The following NEB variants were observed in gnomAD, a reference collection of about 807,000 sequenced individuals.
NEB encodes nemaline myopathy type 2.
In NEB, 512 loss-of-function variants were observed where a neutral mutation model predicts 952.2. The observed-to-expected ratio is 0.54, with a 90% CI of 0.50 to 0.58. The LOEUF (loss-of-function observed/expected upper bound fraction) is 0.58, where lower values mean the gene tolerates loss of function less well. Among genes scored for constraint, NEB ranks in the 20% least tolerant of loss-of-function variants. The pLI is 0.00. For missense variants in NEB, 8,428 were observed against 9,231.1 expected (o/e 0.91, Z 3.56); for synonymous variants, 2,900 against 3,149.8 (o/e 0.92, Z 2.66).
chr2:151,689,130 T>G (rs1434751395), intron 24 of NEB: 1 of 151,324 alleles, frequency 6.6e-6, no homozygotes, highest in East Asian at 1.9e-4. Flanking sequence ...ACTTCTGTAA[T>G]TAAAGCACTA....
chr2:151,701,813 C>T (rs1052341613), intron 13 of NEB, among the ~76,000 whole-genome samples: 169 of 149,770 alleles, frequency 1.1e-3, no homozygotes, highest in South Asian at 2.2e-3. Flanking sequence ...TTTCAAAAAA[C>T]CAGCTCCTGG....
At position 151,618,461 on chromosome 2, in the gene NEB, G is replaced by T. The variant is rs2098277221; in HGVS notation, c.10890C>A (p.Asp3630Glu). The T allele has an allele frequency of 6.2e-7, 1 of 1,613,544 alleles. No homozygotes were observed. Among genetic ancestry groups the T allele is most frequent in the Admixed American group, 1.7e-5 (1 of 59,970 alleles). ...DLQSDNLYKS[D>E]LEWMKGIGWV... is the part of the protein sequence containing the mutation. ...AGCCAATGCCTTTCATCCATTCAAG[G>T]TCTGACTTATACAAATTCTGCAGAT... The change falls in exon 74 of 182, where the codon GAC becomes GAA. Residue 3630 changes from aspartate (D) to glutamate (E), a missense_variant. Physicochemically the swap from Asp to Glu is conservative, Grantham distance 45. Coordinates refer to ENST00000397345, the MANE Select transcript of NEB (RefSeq NM_001164508.2).
chr2:151,570,269 G>A lies in NEB; in HGVS notation c.17242C>T (p.Arg5748Trp), dbSNP rs546869744. ...GCCTTCCATTTGGCCCAGTCCAGCC[G>A]GTACTCTCGTTCATTCTGGAGCTTG... ...ADKLQNEREY[R>W]LDWAKWKAKI... Residue 5748 changes from arginine (R) to tryptophan (W), a missense_variant, in exon 109 of 182, where the codon CGG becomes TGG. This residue lies in a region of NEB where 3,374 missense variants were observed against 3,651.5 expected (regional missense o/e 0.92). Transcript: ENST00000397345. 5.6e-5 allele frequency: 91 copies of A among 1,613,598 alleles called. No individual in the cohort carries two copies. The highest frequency in any genetic ancestry group is 6.7e-5 in the Admixed American group (4 of 59,986).
rs750760976 is a variant in NEB, at chr2:151,546,014, A to C, written c.20467-16T>G. On this transcript the variant is annotated splice_polypyrimidine_tract_variant and intron_variant, in intron 134 of 181. Transcript: ENST00000397345. ...GGTAATTAGACTTAAAAAAAAAAAA[A>C]AAAACAGAAATACAAGTTGATTAAT... 15 of 1,418,192 alleles carry C rather than the reference A, an allele frequency of 1.1e-5. No individual in the cohort carries two copies. Among genetic ancestry groups the C allele is most frequent in the South Asian group, 7.4e-5 (6 of 80,880 alleles). 87.9% of individuals were successfully genotyped at this position (1,418,192 alleles called of 1,614,324 possible).
intron 135 of NEB, among the ~76,000 whole-genome samples, chr2:151,542,391 G>C (rs912302896): frequency 6.6e-6 from 1 of 152,104 alleles, no homozygotes; most frequent in African/African-American, 2.4e-5. Flanking sequence ...TCTTTCCTGA[G>C]CTCCAGACCC....
chr2:151,671,986 G>GAAAAAA (rs11444927), intron 37 of NEB, among the ~76,000 whole-genome samples: 1 of 147,398 alleles, frequency 6.8e-6, no homozygotes. Flanking sequence ...GTTAATAAAG[G>GAAAAAA]AAAAAAAAAA....
At position 151,670,342 on chromosome 2, in the gene NEB, G is replaced by A. The variant is rs148054269; in HGVS notation, c.4506+681C>T. On this transcript the variant is annotated intron_variant, in intron 38 of 181. Transcript: ENST00000397345. ...TACTTACCCGTCTCTTTCTGGTGGA[G>A]GCATTTTAACAGAACTCTAAAATTA... is the stretch of plus-strand genomic sequence containing the variant. 1.0e-3 allele frequency among the ~76,000 whole-genome samples: 152 copies of A among 152,140 alleles called. 1 individual carries two copies. The highest frequency in any genetic ancestry group is 3.3e-3 in the African/African-American group (137 of 41,428).
At position 151,643,815 on chromosome 2, in the gene NEB, C is replaced by A; in HGVS notation, c.7956+3G>T. Reference sequence around the variant, plus strand: ...GTTGGCCAAAGGAAAATCTTAGACTCACATCGCTCTGGAGGTCATAGGCCT... The same window carrying A: ...GTTGGCCAAAGGAAAATCTTAGACTAACATCGCTCTGGAGGTCATAGGCCT... On this transcript the variant is annotated splice_donor_region_variant and intron_variant, in intron 57 of 181. Coordinates refer to ENST00000397345, the MANE Select transcript of NEB (RefSeq NM_001164508.2). 6.2e-7 allele frequency: 1 copy of A among 1,610,710 alleles called. No homozygotes were observed.
At chr2:151,579,254 G>A (rs1266487641) in intron 105 of NEB, 84 bp downstream of exon 105, 13 of 877,906 alleles carry the variant, frequency 1.5e-5, no homozygotes, top group African/African-American at 6.2e-5. Flanking sequence ...GAGTGCCTAC[G>A]TACAGAGAGT....
chr2:151,613,611 T>C (rs1350101452), intron 77 of NEB, among the ~76,000 whole-genome samples: 1 of 152,232 alleles, frequency 6.6e-6, no homozygotes, highest in Admixed American at 6.5e-5. Flanking sequence ...AGTTTGGCTC[T>C]GCATCTTCAT....
At position 151,568,064 on chromosome 2, in the gene NEB, G is replaced by T; in HGVS notation, c.17844+7C>A. The T allele has an allele frequency of 6.2e-7, 1 of 1,609,508 alleles. No homozygotes were observed. Among genetic ancestry groups the T allele is most frequent in the Non-Finnish European group, 8.5e-7 (1 of 1,176,570 alleles). ...TTGCAAAATGCACTCCCATCAGGAT[G>T]TATTACCTCACTCTGAACGTCATTG... On this transcript the variant is annotated splice_region_variant and intron_variant, in intron 113 of 181. Coordinates refer to ENST00000397345, the MANE Select transcript of NEB (RefSeq NM_001164508.2).
rs754081456 is a variant in NEB at position 151,531,077 on chromosome 2, T to C, written c.21547A>G (p.Lys7183Glu). The change falls in exon 145 of 182, where the codon AAG becomes GAG. Residue 7183 changes from lysine (K) to glutamate (E), a missense_variant. Lys to Glu is a moderately conservative substitution (Grantham distance 56, BLOSUM62 1). Coordinates refer to ENST00000397345, the MANE Select transcript of NEB (RefSeq NM_001164508.2). ...SDILYKLEYN[K>E]AKPRGYTTIH... ...GTGGTGTAGCCTCTGGGTTTGGCCT[T>C]GTTGTATTCCAATTTATAAAGGATC... 2 of 1,612,288 alleles carry C rather than the reference T, an allele frequency of 1.2e-6. No individual in the cohort carries two copies. Among genetic ancestry groups the C allele is most frequent in the Non-Finnish European group, 1.7e-6 (2 of 1,178,704 alleles).
intron 105 of NEB, among the ~76,000 whole-genome samples, chr2:151,578,820 T>A (rs1474525350): frequency 6.6e-6 from 1 of 151,534 alleles, no homozygotes; most frequent in Non-Finnish European, 1.5e-5. Flanking sequence ...GGTGGCTCAC[T>A]TCTGTAATCC....
chr2:151,560,470 T>G, intron 124 of NEB, 122 bp downstream of exon 124: 1 of 752,716 alleles, frequency 1.3e-6, no homozygotes, highest in Non-Finnish European at 2.3e-6. Flanking sequence ...TTCCTGGACA[T>G]GCCCACGGGA....
At chr2:151,526,114 T>G in intron 149 of NEB, 44 bp downstream of exon 149, 2 of 1,611,876 alleles carry the variant, frequency 1.2e-6, no homozygotes, top group Non-Finnish European at 1.7e-6. Flanking sequence ...GCCTGGGGCG[T>G]TCTCCCAAGA....
intron 77 of NEB, 28 bp downstream of exon 77, chr2:151,614,248 A>G: frequency 6.2e-7 from 1 of 1,602,842 alleles, no homozygotes; most frequent in East Asian, 2.2e-5. Flanking sequence ...TTTCTAAACC[A>G]TTACTGAAGA....
intron 9 of NEB, among the ~76,000 whole-genome samples, chr2:151,717,855 C>CTTTTTTT (rs5835379): frequency 2.1e-5 from 3 of 140,258 alleles, no homozygotes; most frequent in Admixed American, 7.2e-5. Context: ...CTCCTTTGTT[C>CTTTTTTT]TTTTTTTTTT....
chr2:151,710,724 T>C (rs902845096), intron 10 of NEB, among the ~76,000 whole-genome samples, 186 bp from the exon 11 acceptor site: 6 of 152,168 alleles, frequency 3.9e-5, no homozygotes, highest in African/African-American at 7.2e-5. Context: ...AGTTGGGCGA[T>C]AGGGATAGAG....
chr2:151,635,692 G>A (rs1373250262), intron 64 of NEB, among the ~76,000 whole-genome samples: 5 of 125,356 alleles, frequency 4.0e-5, no homozygotes, highest in African/African-American at 1.6e-4. Context: ...GGCAACAAGA[G>A]CAAAACTCTG....
Sources: gnomAD v4.1 joint callset for allele counts (sites outside exome capture counted in the v4.1 genomes callset) on GRCh38, gnomAD v4.1.1 for gene constraint, gnomAD v4.1.1 regional missense constraint, MANE v1.5 for transcripts, NCBI Gene and HGNC (gene_info 2026-07-23, HGNC 2026-07-21) for gene names.